The following PMS1 variants were observed in gnomAD, a reference collection of about 807,000 sequenced individuals.
PMS1 encodes the protein PMS1 protein homolog 1.
A neutral mutation model predicts 93.1 loss-of-function variants in PMS1; 79 were observed. The observed-to-expected ratio is 0.85, with a 90% CI of 0.71 to 1.02. PMS1 has a LOEUF of 1.02. Ranked by LOEUF, PMS1 falls within the 50% of genes least tolerant of loss-of-function variation. The pLI is 0.00. For missense variants in PMS1, 1,064 were observed against 1,085.3 expected, an observed-to-expected ratio of 0.98 and a Z score of 0.28; for synonymous variants, 335 against 363.4, an observed-to-expected ratio of 0.92 and a Z score of 0.89.
rs748926849 is a variant in PMS1, at chr2:189,873,683, T to C, written c.2634+27T>C. ...TACGCATTATTTTATATATATGTTA[T>C]TGTATACAGGGGTCCCAACTCCCGG... is the stretch of plus-strand genomic sequence containing the variant. On this transcript the variant is annotated intron_variant, in intron 12 of 12. Transcript: ENST00000441310. 6 of 1,543,372 alleles carry C rather than the reference T, an allele frequency of 3.9e-6. No individual in the cohort carries two copies. The South Asian group carries it at 5.6e-5, about 14-fold the overall frequency.
intron 12 of PMS1, among the ~76,000 whole-genome samples, chr2:189,874,591 C>A (rs2057407624): frequency 6.6e-6 from 1 of 152,180 alleles, no homozygotes; most frequent in African/African-American, 2.4e-5. Flanking sequence ...AAAAAACAAA[C>A]CTGAACTCTA....
At chr2:189,837,944 T>G (rs943950963) in intron 5 of PMS1, among the ~76,000 whole-genome samples, 1 of 152,160 alleles carries the variant, frequency 6.6e-6, no homozygotes, top group Non-Finnish European at 1.5e-5. Flanking sequence ...ATGATTCCAT[T>G]TATATGAAAC....
In PMS1 at chr2:189,791,944, G is replaced by A; in HGVS notation, c.132+3G>A. Reference sequence around the variant, plus strand: ...CCACAAGCGTAGATGTTAAACTGGTGAGTGTCCTTGAGAACCCAAATACCT... The same window carrying A: ...CCACAAGCGTAGATGTTAAACTGGTAAGTGTCCTTGAGAACCCAAATACCT... On this transcript the variant is annotated splice_donor_region_variant and intron_variant, in intron 2 of 12. Coordinates refer to ENST00000441310, the MANE Select transcript of PMS1 (RefSeq NM_000534.5). The A allele has an allele frequency of 6.2e-7, 1 of 1,613,622 alleles. No individual in the cohort carries two copies. The highest frequency in any genetic ancestry group is 8.5e-7 in the Non-Finnish European group (1 of 1,179,614).
chr2:189,837,847 G>C (rs2053517306), intron 5 of PMS1, among the ~76,000 whole-genome samples: 1 of 152,184 alleles, frequency 6.6e-6, no homozygotes, highest in Admixed American at 6.5e-5. Context: ...ATATTATTCA[G>C]CCATTTAAAA....
At chr2:189,836,681 A>G (rs1575199794) in intron 5 of PMS1, among the ~76,000 whole-genome samples, 1 of 152,340 alleles carries the variant, frequency 6.6e-6, no homozygotes, top group East Asian at 1.9e-4. Flanking sequence ...GCAGACCGCT[A>G]TTATTTATTG....
chr2:189,867,731 A>T, intron 10 of PMS1, 68 bp from the exon 11 acceptor site: 1 of 1,156,280 alleles, frequency 8.6e-7, no homozygotes, highest in Non-Finnish European at 1.3e-6. Flanking sequence ...CCCTAGGATT[A>T]ACTTTTTCCC....
At chr2:189,823,225 TTTTTG>T (rs1021438498) in intron 5 of PMS1, among the ~76,000 whole-genome samples, 12 of 152,106 alleles carry the variant, frequency 7.9e-5, no homozygotes, top group African/African-American at 2.9e-4. Context: ...TTGTTTTGTT[TTTTTG>T]TTTTGTTTTG....
At chr2:189,797,153 C>T (rs1423400311) in intron 3 of PMS1, among the ~76,000 whole-genome samples, 1 of 152,038 alleles carries the variant, frequency 6.6e-6, no homozygotes, top group African/African-American at 2.4e-5. Context: ...TTTGCTTGTT[C>T]TGTGGACTAC....
chr2:189,839,728 CT>C (rs1199127880), intron 5 of PMS1, among the ~76,000 whole-genome samples: 2 of 152,082 alleles, frequency 1.3e-5, no homozygotes, highest in Admixed American at 1.3e-4. Flanking sequence ...ATTTTGCTTT[CT>C]TTTTATATTT....
intron 5 of PMS1, among the ~76,000 whole-genome samples, chr2:189,826,018 AT>A (rs749584730): frequency 2.0e-5 from 3 of 152,186 alleles, no homozygotes; most frequent in Non-Finnish European, 4.4e-5. Context: ...GTGGCTGAAG[AT>A]TTGGTTTATA....
intron 5 of PMS1, among the ~76,000 whole-genome samples, chr2:189,837,679 C>T (rs2053502877): frequency 6.6e-6 from 1 of 152,136 alleles, no homozygotes; most frequent in Admixed American, 6.5e-5. Context: ...CAGTTCCACT[C>T]ATAGATCTAT....
intron 7 of PMS1, 97 bp downstream of exon 7, chr2:189,852,874 G>A (rs2054895845): frequency 2.6e-6 from 2 of 769,242 alleles, no homozygotes; most frequent in Non-Finnish European, 4.5e-6. Flanking sequence ...TAAAAAAAAA[G>A]AAATACAATG....
At chr2:189,841,117 A>G (rs916430424) in intron 5 of PMS1, among the ~76,000 whole-genome samples, 1 of 152,198 alleles carries the variant, frequency 6.6e-6, no homozygotes, top group Non-Finnish European at 1.5e-5. Flanking sequence ...TTTAGAGCCA[A>G]AAAGATTGAG....
intron 3 of PMS1, among the ~76,000 whole-genome samples, chr2:189,801,472 TCA>T (rs2049884094): frequency 6.6e-6 from 1 of 152,196 alleles, no homozygotes; most frequent in South Asian, 2.1e-4. Context: ...ATTATTCCTA[TCA>T]CATAATAAAA....
At chr2:189,867,674 C>T in intron 10 of PMS1, 125 bp from the exon 11 acceptor site, 2 of 687,160 alleles carry the variant, frequency 2.9e-6, no homozygotes, top group Admixed American at 4.7e-5. Context: ...CATAGGGCTA[C>T]TTATACCTTT....
In PMS1 at chr2:189,854,952, T is replaced by TA. The variant is rs1433556598; in HGVS notation, c.1681dup (p.Thr561AsnfsTer4). The TA allele has an allele frequency of 1.2e-6, 2 of 1,611,940 alleles. No homozygotes were observed. The highest frequency in any genetic ancestry group is 1.1e-5 in the South Asian group (1 of 90,900). On this transcript the variant is annotated frameshift_variant, in exon 9 of 13. Coordinates refer to ENST00000441310, the MANE Select transcript of PMS1 (RefSeq NM_000534.5). LOFTEE classifies it high-confidence loss of function. ...TAATAGATAATAAATCTGGAAAAGT[T>TA]ACAGCTTATGATTTACTTAGCAATC...
intron 10 of PMS1, among the ~76,000 whole-genome samples, chr2:189,867,426 G>A (rs2106528503): frequency 6.6e-6 from 1 of 152,322 alleles, no homozygotes; most frequent in South Asian, 2.1e-4. Flanking sequence ...AAGAAACTTT[G>A]AATAGCAGTT....
At position 189,851,535 on chromosome 2, in the gene PMS1, A is replaced by G. The variant is rs570200045; in HGVS notation, c.700-1120A>G. ...ATTGGCACAATTTGGCATTGTGACA[A>G]TAATGCACTTAGTGTTCTAAAACTG... On this transcript the variant is annotated intron_variant, in intron 6 of 12. Transcript: ENST00000441310. Among the ~76,000 whole-genome samples, 26 of 152,324 alleles carry G rather than the reference A, an allele frequency of 1.7e-4. No homozygotes were observed. In the South Asian group the frequency reaches 5.4e-3, roughly 32 times the overall value.
chr2:189,798,005 G>A (rs1162312682), intron 3 of PMS1, among the ~76,000 whole-genome samples: 3 of 152,188 alleles, frequency 2.0e-5, no homozygotes, highest in Non-Finnish European at 2.9e-5. Context: ...GAGCATTACA[G>A]CTTAGCCTAA....
Sources: allele counts gnomAD v4.1 joint callset (sites outside exome capture counted in the v4.1 genomes callset), GRCh38; gene constraint gnomAD v4.1.1; transcripts MANE v1.5; gene names NCBI Gene and HGNC (gene_info 2026-07-23, HGNC 2026-07-21).